The following CLPX variants were observed in gnomAD, a reference collection of about 807,000 sequenced individuals.
CLPX encodes the protein caseinolytic mitochondrial matrix peptidase chaperone subunit X.
A neutral mutation model predicts 76.4 loss-of-function variants in CLPX; 34 were observed. The ratio of observed to expected loss-of-function variants is 0.45; its 90% CI spans 0.34 to 0.59. CLPX has a LOEUF of 0.59. CLPX is among the 20% of genes least tolerant of loss of function. The probability of loss-of-function intolerance (pLI) is 0.01; values close to 1 mark genes in which losing one functional copy is unlikely to be tolerated. For synonymous variants in CLPX, 248 were observed against 270.9 expected, an observed-to-expected ratio of 0.92 and a Z score of 0.83; for missense variants, 613 against 757.0, an observed-to-expected ratio of 0.81 and a Z score of 2.23.
intron 3 of CLPX, among the ~76,000 whole-genome samples, chr15:65,176,101 G>C (rs1384223942): frequency 6.6e-6 from 1 of 152,066 alleles, no homozygotes; most frequent in Non-Finnish European, 1.5e-5. Context: ...AAAGCAAACA[G>C]GCCTCAGCCT....
intron 3 of CLPX, among the ~76,000 whole-genome samples, chr15:65,167,043 T>A (rs2087924102): frequency 6.6e-6 from 1 of 152,202 alleles, no homozygotes; most frequent in African/African-American, 2.4e-5. Flanking sequence ...TTGCGTGAAA[T>A]TTTTCCAACT....
At chr15:65,168,624 G>A (rs2087953332) in intron 3 of CLPX, among the ~76,000 whole-genome samples, 1 of 149,220 alleles carries the variant, frequency 6.7e-6, no homozygotes, top group East Asian at 2.0e-4. Flanking sequence ...GGGAGGGATA[G>A]CATTAGGAGA....
intron 11 of CLPX, among the ~76,000 whole-genome samples, chr15:65,154,227 G>A (rs535917177): frequency 4.7e-4 from 71 of 152,298 alleles, no homozygotes; most frequent in African/African-American, 1.7e-3. Context: ...ACATGAGACA[G>A]GCAGACCAAT....
In CLPX at chr15:65,149,120, T is replaced by C. The variant is rs2087686849; in HGVS notation, c.*1703A>G. On this transcript the variant is annotated 3_prime_UTR_variant, in exon 14 of 14. Coordinates refer to ENST00000300107, the MANE Select transcript of CLPX (RefSeq NM_006660.5). ...AGGTTAAATACACAATATCAAGAAA[T>C]TTTATTTAGGTCAGCACATGGCTGT... 6.6e-6 allele frequency: 1 copy of C among 152,162 alleles called. No homozygotes were observed. Among genetic ancestry groups the C allele is most frequent in the Non-Finnish European group, 1.5e-5 (1 of 68,022 alleles). 9.4% of individuals were successfully genotyped at this position (152,162 alleles called of 1,614,324 possible).
chr15:65,177,391 C>A (rs1042720264), intron 3 of CLPX, among the ~76,000 whole-genome samples: 1 of 152,150 alleles, frequency 6.6e-6, no homozygotes, highest in East Asian at 1.9e-4. Flanking sequence ...ATGTTGTGAT[C>A]CAAATTAAAT....
chr15:65,185,194 T>G lies in CLPX; in HGVS notation c.-41A>C, dbSNP rs200576064. The G allele has an allele frequency of 6.6e-7, 1 of 1,506,428 alleles. No homozygotes were observed. Among genetic ancestry groups the G allele is most frequent in the East Asian group, 2.4e-5 (1 of 40,952 alleles). 93.3% of individuals were successfully genotyped at this position (1,506,428 alleles called of 1,614,324 possible). ...GCCGGGGCTTCGCCCCCTGAGGACCTCCGGGTCACAGCGGCGTGAATCCTG... is the reference window on the plus strand; with the variant it reads ...GCCGGGGCTTCGCCCCCTGAGGACCGCCGGGTCACAGCGGCGTGAATCCTG... On this transcript the variant is annotated 5_prime_UTR_variant, in exon 1 of 14. Coordinates refer to ENST00000300107, the MANE Select transcript of CLPX (RefSeq NM_006660.5).
chr15:65,172,089 G>T (rs565730155), intron 3 of CLPX, among the ~76,000 whole-genome samples: 10 of 152,082 alleles, frequency 6.6e-5, no homozygotes, highest in Non-Finnish European at 1.3e-4. Flanking sequence ...TCCGCCTCCC[G>T]AGTAGCTGGG....
chr15:65,160,623 T>TCTCTCTCTCTCACACACACACACA (rs1219208926), intron 6 of CLPX, among the ~76,000 whole-genome samples: 1 of 100,970 alleles, frequency 9.9e-6, no homozygotes, highest in Admixed American at 1.0e-4. Flanking sequence ...TCTCTCTCTC[T>TCTCTCTCTCTCACACACACACACA]CACACACACA....
At chr15:65,152,904 T>TTTTG (rs1555412183) in intron 12 of CLPX, among the ~76,000 whole-genome samples, 77 of 150,698 alleles carry the variant, frequency 5.1e-4, no homozygotes, top group East Asian at 2.2e-3. Context: ...GCCTCTTTTT[T>TTTTG]TTTGTTTGTT....
At chr15:65,154,060 G>A (rs770579175) in intron 11 of CLPX, among the ~76,000 whole-genome samples, 40 of 152,264 alleles carry the variant, frequency 2.6e-4, no homozygotes, top group African/African-American at 5.1e-4. Context: ...GGGAACCACC[G>A]GAGGATTTTA....
intron 12 of CLPX, 133 bp downstream of exon 12, chr15:65,153,414 C>A (rs1566978540): frequency 1.6e-6 from 1 of 631,956 alleles, no homozygotes; most frequent in Non-Finnish European, 2.7e-6. Context: ...CAAGATCGCA[C>A]CACTGCACTC....
intron 3 of CLPX, among the ~76,000 whole-genome samples, chr15:65,168,306 C>G (rs1329701937): frequency 2.3e-5 from 3 of 127,930 alleles, no homozygotes; most frequent in Non-Finnish European, 3.1e-5. Context: ...ATGGTATGAA[C>G]CCGGGAGGTG....
At position 65,153,589 on chromosome 15, in the gene CLPX, T is replaced by C; in HGVS notation, c.1662A>G (p.Ala554=). The C allele has an allele frequency of 1.2e-6, 2 of 1,601,632 alleles. No individual in the cohort carries two copies. The highest frequency in any genetic ancestry group is 1.7e-6 in the Non-Finnish European group (2 of 1,175,180). ...CTCGTGCACCTGTTTTTCGTTCTAG[T>C]GCCAATCTGGCTATAGCTTTCAAAG... ...EDALKAIARL[A]LERKTGARGL... Residue 554 remains alanine (A), a synonymous_variant, in exon 12 of 14, where the codon GCA becomes GCG. Transcript: ENST00000300107.
At chr15:65,165,038 TA>T (rs1332603664) in intron 4 of CLPX, among the ~76,000 whole-genome samples, 1 of 152,110 alleles carries the variant, frequency 6.6e-6, no homozygotes, top group Non-Finnish European at 1.5e-5. Context: ...GTTGGTGAAT[TA>T]ATATTAACCA....
In CLPX at chr15:65,166,677, G is replaced by A; in HGVS notation, c.467C>T (p.Ala156Val). The change falls in exon 4 of 14, where the codon GCT becomes GTT. Residue 156 changes from alanine (A) to valine (V), a missense_variant. By Grantham distance (64) the Ala-to-Val change is moderately conservative (BLOSUM62 0). Around this residue, in one of 2 missense-constraint regions of CLPX, gnomAD observed 450 missense variants for 638.6 expected, o/e 0.70. Transcript: ENST00000300107. Reference sequence around the variant, plus strand: ...TTTCTGTTGGAATGCCAATTTTACAGCTTCTGCTGCTGATTCAGGTTCTTT... The same window carrying A: ...TTTCTGTTGGAATGCCAATTTTACAACTTCTGCTGCTGATTCAGGTTCTTT... ...IIKEPESAAE[A>V]VKLAFQQKPP... 1.9e-6 allele frequency: 3 copies of A among 1,614,102 alleles called. No individual in the cohort carries two copies. Among genetic ancestry groups the A allele is most frequent in the South Asian group, 1.1e-5 (1 of 91,082 alleles).
rs765916502 is a variant in CLPX at position 65,150,560 on chromosome 15, A to G, written c.*263T>C. On this transcript the variant is annotated 3_prime_UTR_variant, in exon 14 of 14. Transcript: ENST00000300107. ...AAAGAATTCCTAAGAATTTTGTTAA[A>G]GCATATTTTTTTTAAAAAACTGAAC... The G allele has an allele frequency of 1.1e-5, 3 of 278,034 alleles. No individual in the cohort carries two copies. Among genetic ancestry groups the G allele is most frequent in the African/African-American group, 6.6e-5 (3 of 45,656 alleles). 17.2% of individuals were successfully genotyped at this position (278,034 alleles called of 1,614,324 possible).
At position 65,149,497 on chromosome 15, in the gene CLPX, A is replaced by G. The variant is rs1202590906; in HGVS notation, c.*1326T>C. On this transcript the variant is annotated 3_prime_UTR_variant, in exon 14 of 14. Coordinates refer to ENST00000300107, the MANE Select transcript of CLPX (RefSeq NM_006660.5). ...CTCAAAAAAATAAAATAAAATAGATATATAACTTTCTGAAGATTTAAGCCA... is the reference window on the plus strand; with the variant it reads ...CTCAAAAAAATAAAATAAAATAGATGTATAACTTTCTGAAGATTTAAGCCA... 75 of 399,392 alleles carry G rather than the reference A, an allele frequency of 1.9e-4. No individual in the cohort carries two copies. Among genetic ancestry groups the G allele is most frequent in the Non-Finnish European group, 1.5e-5 (3 of 205,760 alleles). 24.7% of individuals were successfully genotyped at this position (399,392 alleles called of 1,614,324 possible). A position where few individuals can be genotyped will look rare whatever the true frequency, so the allele number is the denominator to read the frequency against.
chr15:65,154,926 CTCAA>C lies in CLPX; in HGVS notation c.1463_1466del (p.Ile488SerfsTer4). 1 of 1,614,172 alleles carries C rather than the reference CTCAA, an allele frequency of 6.2e-7. No individual in the cohort carries two copies. Among genetic ancestry groups the C allele is most frequent in the Non-Finnish European group, 8.5e-7 (1 of 1,180,040 alleles). The stretch of plus-strand genomic sequence containing the variant: ...CCACAAACTCAGGAATCATGCCAAA[CTCAA>C]TCAGATCTCTGGCTTCCACATGACG... On this transcript the variant is annotated frameshift_variant, in exon 11 of 14. Coordinates refer to ENST00000300107, the MANE Select transcript of CLPX (RefSeq NM_006660.5). LOFTEE classifies it high-confidence loss of function.
intron 7 of CLPX, chr15:65,158,287 G>A (rs574639911): frequency 3.1e-6 from 1 of 324,966 alleles, no homozygotes; most frequent in Non-Finnish European, 5.6e-6. Context: ...CTCCCAAAAT[G>A]CTGGGATTAC....
Sources: gnomAD v4.1 joint callset for allele counts (sites outside exome capture counted in the v4.1 genomes callset) on GRCh38, gnomAD v4.1.1 for gene constraint, gnomAD v4.1.1 regional missense constraint, MANE v1.5 for transcripts, NCBI Gene and HGNC (gene_info 2026-07-23, HGNC 2026-07-21) for gene names.